Variants in SDHAF4 observed in about 807,000 individuals in gnomAD.
The protein encoded by SDHAF4 is succinate dehydrogenase complex assembly factor 4.
In SDHAF4, 14 loss-of-function variants were observed where a neutral mutation model predicts 14.3. The observed-to-expected ratio is 0.98, with a 90% confidence interval of 0.65 to 1.53. SDHAF4 has a LOEUF of 1.53. Ranked by LOEUF, SDHAF4 falls within the 40% of genes most tolerant of loss-of-function variation. The probability of loss-of-function intolerance (pLI) is 0.00; values close to 1 mark genes in which losing one functional copy is unlikely to be tolerated. For missense variants in SDHAF4, 141 were observed against 129.3 expected (o/e 1.09, Z -0.44); for synonymous variants, 63 against 47.3 (o/e 1.33, Z -1.36).
At chr6:70,581,724 C>T (rs1002541924) in intron 2 of SDHAF4, among the ~76,000 whole-genome samples, 6 of 152,118 alleles carry the variant, frequency 3.9e-5, no homozygotes, top group African/African-American at 1.4e-4. Context: ...CCTCCTGCCT[C>T]AGTCTCCTGA....
Position 70,575,302 on chromosome 6 carries a change from C to T in SDHAF4, c.65-4112C>T, listed in dbSNP as rs572238790. 5.3e-5 allele frequency among the ~76,000 whole-genome samples: 8 copies of T among 152,158 alleles called. No homozygotes were observed. In the South Asian group the frequency reaches 1.5e-3, roughly 28 times the overall value. ...CTGAGGCACAAGAATCACTTGAACCCTGGAAGTGGAGGTTGCGATGAGCTG... is the reference window on the plus strand; with the variant it reads ...CTGAGGCACAAGAATCACTTGAACCTTGGAAGTGGAGGTTGCGATGAGCTG... On this transcript the variant is annotated intron_variant, in intron 1 of 2. Transcript: ENST00000370474.
At chr6:70,576,566 A>C (rs1802258247) in intron 1 of SDHAF4, among the ~76,000 whole-genome samples, 2 of 152,220 alleles carry the variant, frequency 1.3e-5, no homozygotes, top group African/African-American at 4.8e-5. Context: ...ATATACACAT[A>C]TTTATCTTAA....
At chr6:70,596,324 A>G in the SDHAF4 span, 19 of 152,326 alleles carry the variant, frequency 1.2e-4, no homozygotes, top group African/African-American at 4.3e-4. Context: ...CTGATGGGCA[A>G]CATTGGCTCA....
At position 70,568,962 on chromosome 6, in the gene SDHAF4, C is replaced by CTTTTTT. The variant is rs5877254; in HGVS notation, c.64+1974_64+1979dup. ...TTTGTGAAATACCTCTTTCTTTTTTCTTTTTTTTTTTTTTTTTTTTTGAGG... is the reference window on the plus strand; with the variant it reads ...TTTGTGAAATACCTCTTTCTTTTTTCTTTTTTTTTTTTTTTTTTTTTTTTTTTGAGG... On this transcript the variant is annotated intron_variant, in intron 1 of 2. Coordinates refer to ENST00000370474, the MANE Select transcript of SDHAF4 (RefSeq NM_145267.3). 4.9e-4 allele frequency among the ~76,000 whole-genome samples: 48 copies of CTTTTTT among 97,990 alleles called. 1 individual carries two copies. The highest frequency in any genetic ancestry group is 5.5e-4 in the African/African-American group (13 of 23,748). 64.3% of individuals were successfully genotyped at this position (97,990 alleles called of 152,430 possible).
chr6:70,574,921 CT>C (rs142971651), intron 1 of SDHAF4, among the ~76,000 whole-genome samples: 37,034 of 152,038 alleles, frequency 0.24, 6,208 homozygotes, highest in African/African-American at 0.47. Context: ...GAGCAAGACC[CT>C]TGTTTCAAAA....
chr6:70,571,463 C>T (rs1437350273), intron 1 of SDHAF4, among the ~76,000 whole-genome samples: 16 of 152,086 alleles, frequency 1.1e-4, no homozygotes, highest in South Asian at 6.2e-4. Context: ...TACAGGCACA[C>T]GCCACCACTC....
At chr6:70,594,263 GGCCAGT>G (rs1237195846), downstream of SDHAF4, among the ~76,000 whole-genome samples, 1 of 152,196 alleles carries the variant, frequency 6.6e-6, no homozygotes, top group African/African-American at 2.4e-5. Context: ...AGTTTTGGAA[GGCCAGT>G]GCCAGTGCCA....
chr6:70,568,816 G>A (rs571026939), intron 1 of SDHAF4, among the ~76,000 whole-genome samples: 1 of 152,066 alleles, frequency 6.6e-6, no homozygotes. Flanking sequence ...CAAACTTGCC[G>A]AAACTTAATT....
At chr6:70,572,911 T>C (rs186866982) in intron 1 of SDHAF4, among the ~76,000 whole-genome samples, 248 of 152,358 alleles carry the variant, frequency 1.6e-3, no homozygotes, top group Non-Finnish European at 2.4e-3. Flanking sequence ...ATAAAGACTT[T>C]TGTATAGTCA....
intron 2 of SDHAF4, among the ~76,000 whole-genome samples, chr6:70,587,170 A>T (rs1379581119): frequency 1.4e-5 from 2 of 141,276 alleles, no homozygotes; most frequent in Non-Finnish European, 3.1e-5. Flanking sequence ...AAACTCCATC[A>T]CACACACACA....
At chr6:70,581,959 C>A (rs1765137030) in intron 2 of SDHAF4, among the ~76,000 whole-genome samples, 1 of 152,154 alleles carries the variant, frequency 6.6e-6, no homozygotes, top group African/African-American at 2.4e-5. Flanking sequence ...TTCCTGGGCT[C>A]CTTTTTGAGC....
chr6:70,586,296 C>A (rs1451364579), intron 2 of SDHAF4, among the ~76,000 whole-genome samples: 1 of 152,130 alleles, frequency 6.6e-6, no homozygotes, highest in African/African-American at 2.4e-5. Flanking sequence ...GGCTTCTACT[C>A]TCTGGGTTTC....
At chr6:70,579,278 C>A in intron 1 of SDHAF4, 136 bp from the exon 2 acceptor site, 1 of 666,418 alleles carries the variant, frequency 1.5e-6, no homozygotes, top group Non-Finnish European at 2.2e-6. Context: ...AGAATTTTCA[C>A]TCTGCGTCCT....
chr6:70,586,636 T>C (rs1765204626), intron 2 of SDHAF4, among the ~76,000 whole-genome samples: 1 of 152,054 alleles, frequency 6.6e-6, no homozygotes, highest in Admixed American at 6.6e-5. Flanking sequence ...CATTCATTCA[T>C]ATGATACGTA....
At chr6:70,569,539 C>T (rs550215459) in intron 1 of SDHAF4, among the ~76,000 whole-genome samples, 3 of 152,304 alleles carry the variant, frequency 2.0e-5, no homozygotes, top group African/African-American at 7.2e-5. Context: ...CTGCCACGCC[C>T]GGCCTTTTTT....
intron 1 of SDHAF4, among the ~76,000 whole-genome samples, chr6:70,570,507 G>C (rs1802165701): frequency 6.6e-6 from 1 of 151,958 alleles, no homozygotes; most frequent in African/African-American, 2.4e-5. Flanking sequence ...ATTTTTTTTA[G>C]AGATGGGGTT....
downstream of SDHAF4, among the ~76,000 whole-genome samples, chr6:70,593,540 C>G (rs567494382): frequency 5.9e-5 from 9 of 152,336 alleles, no homozygotes; most frequent in African/African-American, 2.2e-4. Context: ...GCACCTGACT[C>G]CAACCTGTGA....
At chr6:70,581,249 C>T (rs1335076047) in intron 2 of SDHAF4, among the ~76,000 whole-genome samples, 1 of 151,780 alleles carries the variant, frequency 6.6e-6, no homozygotes, top group Non-Finnish European at 1.5e-5. Context: ...TTTAATACTA[C>T]CAAATTGTAC....
intron 2 of SDHAF4, among the ~76,000 whole-genome samples, chr6:70,583,813 C>T (rs553585078): frequency 1.3e-5 from 2 of 152,298 alleles, no homozygotes; most frequent in South Asian, 2.1e-4. Context: ...GTTAGACAGG[C>T]TTGGATTAAT....
Sources: allele counts gnomAD v4.1 joint callset (sites outside exome capture counted in the v4.1 genomes callset), GRCh38; gene constraint gnomAD v4.1.1; transcripts MANE v1.5; gene names NCBI Gene and HGNC (gene_info 2026-07-23, HGNC 2026-07-21).